ADGRF5: variants seen among roughly 807,000 people sequenced by gnomAD.
ADGRF5 encodes G-protein coupled receptor 116.
A neutral mutation model predicts 132.3 loss-of-function variants in ADGRF5; 75 were observed. The ratio of observed to expected loss-of-function variants is 0.57; its 90% confidence interval spans 0.47 to 0.69. ADGRF5 has a LOEUF of 0.69. Ranked by LOEUF, ADGRF5 falls within the 30% of genes least tolerant of loss-of-function variation. ADGRF5 has a pLI of 0.00. For synonymous variants in ADGRF5, 629 were observed against 597.6 expected, an observed-to-expected ratio of 1.05 and a Z score of -0.77; for missense variants, 1,516 against 1,630.6, an observed-to-expected ratio of 0.93 and a Z score of 1.21.
rs199658359 is a variant in ADGRF5, at chr6:46,862,953, G to T, written c.2134C>A (p.Gln712Lys). 128 of 1,613,288 alleles carry T rather than the reference G, an allele frequency of 7.9e-5. No individual in the cohort carries two copies. The highest frequency in any genetic ancestry group is 1.1e-4 in the Non-Finnish European group (124 of 1,179,578). ...CAGTCATTTCTCTTCTCCTCCCACT[G>T]GGAGCCTACACATTTGTAAGTGATG... is the stretch of plus-strand genomic sequence containing the variant. ...GTITYKCVGSQWEEKRNDCIS... is the reference protein window; with the variant it reads ...GTITYKCVGSKWEEKRNDCIS... The change falls in exon 15 of 21, where the codon CAG becomes AAG. Residue 712 changes from glutamine (Q) to lysine (K), a missense_variant. Gln to Lys is a moderately conservative substitution (Grantham distance 53, BLOSUM62 1). Around this residue, in one of 2 missense-constraint regions of ADGRF5, gnomAD observed 945 missense variants for 929.4 expected, o/e 1.02. Coordinates refer to ENST00000283296, the MANE Select transcript of ADGRF5 (RefSeq NM_001098518.2).
At chr6:46,880,845 C>T (rs1057456975) in intron 8 of ADGRF5, among the ~76,000 whole-genome samples, 5 of 152,018 alleles carry the variant, frequency 3.3e-5, no homozygotes, top group African/African-American at 1.2e-4. Context: ...AATCCCAACA[C>T]TTTGGGAGGC....
intron 4 of ADGRF5, chr6:46,887,981 C>T (rs1412322473): frequency 1.2e-5 from 2 of 161,578 alleles, no homozygotes; most frequent in African/African-American, 3.1e-5. Flanking sequence ...CATTGATATA[C>T]CAAGGGAGGA....
At chr6:46,908,090 C>G (rs1369799627) in intron 1 of ADGRF5, 1 of 152,172 alleles carries the variant, frequency 6.6e-6, no homozygotes, top group Non-Finnish European at 1.5e-5. Flanking sequence ...CAATTGCCAG[C>G]TGACAACTGC....
chr6:46,944,011 C>A (rs9381489), intron 1 of ADGRF5, among the ~76,000 whole-genome samples: 77,896 of 151,848 alleles, frequency 0.51, 20,900 homozygotes, highest in East Asian at 0.63. Flanking sequence ...CTTTTCTAAA[C>A]AAAGCTGGTA....
intron 1 of ADGRF5, among the ~76,000 whole-genome samples, chr6:46,947,586 T>C (rs1778346077): frequency 6.6e-6 from 1 of 152,150 alleles, no homozygotes; most frequent in Non-Finnish European, 1.5e-5. Flanking sequence ...AAGGGTTAAG[T>C]AAGGATCTCT....
At chr6:46,951,850 A>G (rs2113848181) in intron 1 of ADGRF5, among the ~76,000 whole-genome samples, 1 of 152,342 alleles carries the variant, frequency 6.6e-6, no homozygotes, top group Non-Finnish European at 1.5e-5. Context: ...CCAAAGCACA[A>G]TGTTAATGTC....
At chr6:46,884,404 A>G in intron 4 of ADGRF5, 133 bp from the exon 5 acceptor site, 2 of 651,008 alleles carry the variant, frequency 3.1e-6, no homozygotes, top group Admixed American at 2.9e-5. Flanking sequence ...GAGAAGTTCA[A>G]TAGCACTGCA....
At chr6:46,892,335 A>G (rs549568980) in intron 3 of ADGRF5, among the ~76,000 whole-genome samples, 1 of 152,354 alleles carries the variant, frequency 6.6e-6, no homozygotes, top group South Asian at 2.1e-4. Flanking sequence ...TAGAACTTTG[A>G]TATACAATTC....
chr6:46,863,432 C>T (rs569220776), intron 14 of ADGRF5: 43 of 405,586 alleles, frequency 1.1e-4, no homozygotes, highest in South Asian at 7.2e-4. Context: ...ATCGTCAGAG[C>T]GGGATTTAGG....
chr6:46,950,065 C>G (rs987856435), intron 1 of ADGRF5, among the ~76,000 whole-genome samples: 2 of 152,170 alleles, frequency 1.3e-5, no homozygotes, highest in Admixed American at 1.3e-4. Context: ...GATCACCGCA[C>G]TGACATCACG....
intron 4 of ADGRF5, 25 bp downstream of exon 4, chr6:46,888,310 C>A (rs1562194986): frequency 1.3e-6 from 2 of 1,535,818 alleles, no homozygotes; most frequent in African/African-American, 1.4e-5. Flanking sequence ...ATCATTTATT[C>A]TGAAGCAATG....
At chr6:46,918,189 C>G (rs1223110192) in intron 1 of ADGRF5, among the ~76,000 whole-genome samples, 1 of 152,232 alleles carries the variant, frequency 6.6e-6, no homozygotes, top group African/African-American at 2.4e-5. Context: ...ACTTGTGAAT[C>G]ATGGTGTGCC....
chr6:46,934,250 C>T (rs972048588), intron 1 of ADGRF5, among the ~76,000 whole-genome samples: 1 of 152,146 alleles, frequency 6.6e-6, no homozygotes, highest in Non-Finnish European at 1.5e-5. Flanking sequence ...CATACACACT[C>T]ACACTTCTAT....
intron 4 of ADGRF5, chr6:46,888,073 C>A: frequency 2.8e-6 from 1 of 359,160 alleles, no homozygotes; most frequent in South Asian, 4.1e-5. Flanking sequence ...CTGGCCATAT[C>A]TTGGGATCAC....
chr6:46,895,687 C>T lies in ADGRF5; in HGVS notation c.157+4342G>A, dbSNP rs774658496. 1.0e-4 allele frequency among the ~76,000 whole-genome samples: 15 copies of T among 150,544 alleles called. 1 individual carries two copies. Among genetic ancestry groups the T allele is most frequent in the South Asian group, 4.4e-4 (2 of 4,544 alleles). On this transcript the variant is annotated intron_variant, in intron 3 of 20. Transcript: ENST00000283296. ...CTCTCCTCAGTTATTCCTTTAAAGCCGGAGAATAATCAACTGGGGCTCTTC... is the reference window on the plus strand; with the variant it reads ...CTCTCCTCAGTTATTCCTTTAAAGCTGGAGAATAATCAACTGGGGCTCTTC...
At chr6:46,877,862 T>C (rs1771988315) in intron 10 of ADGRF5, among the ~76,000 whole-genome samples, 1 of 152,190 alleles carries the variant, frequency 6.6e-6, no homozygotes, top group Non-Finnish European at 1.5e-5. Flanking sequence ...CATCCTTAGC[T>C]CTTTGCTGAA....
intron 1 of ADGRF5, among the ~76,000 whole-genome samples, chr6:46,947,132 A>G (rs1393662100): frequency 1.3e-5 from 2 of 152,186 alleles, no homozygotes; most frequent in African/African-American, 4.8e-5. Context: ...CATAGAATAT[A>G]TTCAATAAAT....
In ADGRF5 at chr6:46,910,289, G is replaced by A. The variant is rs538066797; in HGVS notation, c.-24-3503C>T. ...AATAATTGCTGGTGGTTATTAATTG[G>A]CTATTAATTATAATTGGTGGGTAAT... On this transcript the variant is annotated intron_variant, in intron 1 of 20. Transcript: ENST00000283296. 3.3e-5 allele frequency among the ~76,000 whole-genome samples: 5 copies of A among 152,242 alleles called. No individual in the cohort carries two copies. In the East Asian group the frequency reaches 9.7e-4, roughly 29 times the overall value.
At position 46,858,206 on chromosome 6, in the gene ADGRF5, C is replaced by A; in HGVS notation, c.3697G>T (p.Gly1233Cys). 6.2e-7 allele frequency: 1 copy of A among 1,614,098 alleles called. No individual in the cohort carries two copies. The highest frequency in any genetic ancestry group is 8.5e-7 in the Non-Finnish European group (1 of 1,180,018). ...VLTPLLGLTW[G>C]FGLTTVFPGT... The stretch of plus-strand genomic sequence containing the variant: ...GGGAACACAGTGGTGAGACCAAAAC[C>A]CCAAGTGAGGCCCAAGAGTGGTGTG... Residue 1233 changes from glycine (G) to cysteine (C), a missense_variant, in exon 17 of 21, where the codon GGT (glycine) becomes TGT (cysteine). Around this residue, in one of 2 missense-constraint regions of ADGRF5, gnomAD observed 571 missense variants for 701.2 expected, o/e 0.81. Transcript: ENST00000283296.
Sources: gnomAD v4.1 joint callset for allele counts (sites outside exome capture counted in the v4.1 genomes callset) on GRCh38, gnomAD v4.1.1 for gene constraint, gnomAD v4.1.1 regional missense constraint, MANE v1.5 for transcripts, NCBI Gene and HGNC (gene_info 2026-07-23, HGNC 2026-07-21) for gene names.